Variants in RFX3 observed in about 807,000 individuals in gnomAD.
RFX3 encodes regulatory factor X3.
In RFX3, 14 loss-of-function variants were observed where a neutral mutation model predicts 98.6. The ratio of observed to expected loss-of-function variants is 0.14; its 90% CI spans 0.09 to 0.22. The LOEUF (loss-of-function observed/expected upper bound fraction) is 0.22. Ranked by LOEUF, RFX3 falls within the 10% of genes least tolerant of loss-of-function variation. RFX3 has a pLI of 1.00. For synonymous variants in RFX3, 383 were observed against 328.4 expected (o/e 1.17, Z -1.80); for missense variants, 639 against 926.9 (o/e 0.69, Z 4.03).
intron 2 of RFX3, among the ~76,000 whole-genome samples, chr9:3,374,092 G>GCACACA (rs35924655): frequency 4.7e-5 from 7 of 147,950 alleles, no homozygotes; most frequent in African/African-American, 9.9e-5. Flanking sequence ...ACACACGCGC[G>GCACACA]CACACACACA....
chr9:3,266,058 T>C, intron 12 of RFX3, 150 bp downstream of exon 12: 1 of 482,466 alleles, frequency 2.1e-6, no homozygotes, highest in Non-Finnish European at 3.7e-6. Flanking sequence ...TACATGGTTA[T>C]AAAATACAAA....
intron 5 of RFX3, among the ~76,000 whole-genome samples, chr9:3,298,097 T>C (rs1828209038): frequency 6.6e-6 from 1 of 151,666 alleles, no homozygotes; most frequent in Non-Finnish European, 1.5e-5. Context: ...GAAACAAAAA[T>C]ATTTAAATAA....
intron 1 of RFX3, among the ~76,000 whole-genome samples, chr9:3,491,576 A>T (rs1371299570): frequency 6.6e-6 from 1 of 152,190 alleles, no homozygotes; most frequent in African/African-American, 2.4e-5. Context: ...GCAAATATCA[A>T]GTGAAAATTT....
intron 7 of RFX3, among the ~76,000 whole-genome samples, chr9:3,281,965 GA>G (rs1825967989): frequency 6.6e-6 from 1 of 151,752 alleles, no homozygotes; most frequent in African/African-American, 2.4e-5. Context: ...CAAAGTGGCT[GA>G]AAAATGCACA....
chr9:3,323,305 G>T (rs1234787214), intron 4 of RFX3, among the ~76,000 whole-genome samples: 1 of 152,176 alleles, frequency 6.6e-6, no homozygotes, highest in Admixed American at 6.5e-5. Context: ...GCCAGTAGAA[G>T]AGGCAGTATT....
chr9:3,402,127 C>A (rs945397997), intron 1 of RFX3, among the ~76,000 whole-genome samples: 3 of 152,126 alleles, frequency 2.0e-5, no homozygotes, highest in African/African-American at 7.2e-5. Flanking sequence ...CTGACCTAAT[C>A]AATTACTTAT....
At chr9:3,303,615 T>C (rs2130162423) in intron 4 of RFX3, among the ~76,000 whole-genome samples, 1 of 151,880 alleles carries the variant, frequency 6.6e-6, no homozygotes, top group South Asian at 2.1e-4. Context: ...TAAGCACTTT[T>C]CAGTTGGATA....
At chr9:3,302,690 G>A (rs1828807173) in intron 4 of RFX3, among the ~76,000 whole-genome samples, 1 of 151,746 alleles carries the variant, frequency 6.6e-6, no homozygotes, top group South Asian at 2.1e-4. Flanking sequence ...AATTGATAAT[G>A]CCTTCAAATT....
chr9:3,247,705 T>C (rs1204163998), intron 15 of RFX3: 1 of 1,507,238 alleles, frequency 6.6e-7, no homozygotes, highest in African/African-American at 1.4e-5. Flanking sequence ...CTTTGCTTTA[T>C]CAGGAGCACC....
chr9:3,500,832 A>C (rs1460516868), intron 1 of RFX3, among the ~76,000 whole-genome samples: 1 of 152,200 alleles, frequency 6.6e-6, no homozygotes, highest in African/African-American at 2.4e-5. Context: ...ACAGTTATTT[A>C]ATACTTAGTC....
chr9:3,334,235 C>G (rs1234288595), intron 3 of RFX3, among the ~76,000 whole-genome samples: 1 of 152,188 alleles, frequency 6.6e-6, no homozygotes, highest in African/African-American at 2.4e-5. Flanking sequence ...TTACTGTTTT[C>G]TAGCACTACA....
intron 1 of RFX3, among the ~76,000 whole-genome samples, chr9:3,503,558 A>C (rs1264471638): frequency 1.3e-5 from 2 of 152,124 alleles, no homozygotes; most frequent in African/African-American, 4.8e-5. Flanking sequence ...GAAATGGAAA[A>C]TATGGTTGTG....
At chr9:3,480,794 A>G (rs1289460635) in intron 1 of RFX3, among the ~76,000 whole-genome samples, 1 of 151,776 alleles carries the variant, frequency 6.6e-6, no homozygotes, top group Non-Finnish European at 1.5e-5. Flanking sequence ...GAAAAATTAT[A>G]CATGCCCTGC....
intron 1 of RFX3, among the ~76,000 whole-genome samples, chr9:3,461,364 A>G (rs1487020409): frequency 6.6e-6 from 1 of 151,970 alleles, no homozygotes; most frequent in Non-Finnish European, 1.5e-5. Context: ...TCCTGATCCT[A>G]AAGTTCACAG....
At chr9:3,476,211 T>C (rs1849240174) in intron 1 of RFX3, among the ~76,000 whole-genome samples, 1 of 151,118 alleles carries the variant, frequency 6.6e-6, no homozygotes, top group Non-Finnish European at 1.5e-5. Flanking sequence ...ATGATATTCA[T>C]ATATAATCAT....
At chr9:3,499,769 A>C (rs550296269) in intron 1 of RFX3, among the ~76,000 whole-genome samples, 1 of 152,248 alleles carries the variant, frequency 6.6e-6, no homozygotes, top group African/African-American at 2.4e-5. Flanking sequence ...CACACACACA[A>C]AAATAATAAT....
intron 1 of RFX3, among the ~76,000 whole-genome samples, chr9:3,497,182 A>T (rs1406174964): frequency 1.3e-5 from 2 of 152,064 alleles, no homozygotes; most frequent in Non-Finnish European, 2.9e-5. Flanking sequence ...GTACCAATTC[A>T]GGCTACTTAA....
At chr9:3,408,769 T>C (rs1052571236) in intron 1 of RFX3, among the ~76,000 whole-genome samples, 1 of 152,106 alleles carries the variant, frequency 6.6e-6, no homozygotes, top group Non-Finnish European at 1.5e-5. Flanking sequence ...CCAACTTGGC[T>C]TATAGGGTGT....
chr9:3,263,198 T>C, intron 12 of RFX3, 114 bp from the exon 13 acceptor site: 1 of 1,074,694 alleles, frequency 9.3e-7, no homozygotes, highest in Non-Finnish European at 1.4e-6. Context: ...CTGACACTTA[T>C]TTAAAATTCA....
Sources: allele counts gnomAD v4.1 joint callset (sites outside exome capture counted in the v4.1 genomes callset), GRCh38; gene constraint gnomAD v4.1.1; transcripts MANE v1.5; gene names NCBI Gene and HGNC (gene_info 2026-07-23, HGNC 2026-07-21).